AFG1L: variants seen among roughly 807,000 people sequenced by gnomAD.
AFG1L encodes the protein AFG1-like ATPase.
AFG1L carries 53 observed loss-of-function variants against 62.2 expected under a neutral mutation model. The ratio of observed to expected loss-of-function variants is 0.85; its 90% CI spans 0.68 to 1.07. The LOEUF (loss-of-function observed/expected upper bound fraction) is 1.07, where lower values mean the gene tolerates loss of function less well. Ranked by LOEUF, AFG1L falls within the 50% of genes least tolerant of loss-of-function variation. AFG1L has a pLI of 0.00. For missense variants in AFG1L, 555 were observed against 590.5 expected (o/e 0.94, Z 0.62); for synonymous variants, 228 against 210.3 (o/e 1.08, Z -0.73).
intron 10 of AFG1L, among the ~76,000 whole-genome samples, chr6:108,503,362 T>C (rs979591179): frequency 2.6e-5 from 4 of 152,254 alleles, no homozygotes; most frequent in Non-Finnish European, 5.9e-5. Context: ...ATCCATGGGC[T>C]GCAGAATGGA....
At chr6:108,418,254 G>C (rs948278146) in intron 7 of AFG1L, among the ~76,000 whole-genome samples, 4 of 152,176 alleles carry the variant, frequency 2.6e-5, no homozygotes, top group African/African-American at 9.7e-5. Flanking sequence ...AATCTGGCCT[G>C]CTGCCTGTTT....
At chr6:108,305,376 CTTAGAAAT>C (rs1442763694) in intron 1 of AFG1L, among the ~76,000 whole-genome samples, 1 of 152,136 alleles carries the variant, frequency 6.6e-6, no homozygotes, top group Non-Finnish European at 1.5e-5. Context: ...CCTAGAGGTT[CTTAGAAAT>C]TATGAATTAC....
intron 2 of AFG1L, among the ~76,000 whole-genome samples, chr6:108,329,684 T>G (rs1361547157): frequency 6.6e-6 from 1 of 151,966 alleles, no homozygotes; most frequent in South Asian, 2.1e-4. Flanking sequence ...TTTTAAAGAG[T>G]GTAAAGACGA....
At chr6:108,440,003 TATATA>T (rs554042104) in intron 7 of AFG1L, among the ~76,000 whole-genome samples, 366 of 152,276 alleles carry the variant, frequency 2.4e-3, no homozygotes, top group Non-Finnish European at 3.6e-3. Flanking sequence ...CATAGAACTA[TATATA>T]ATATGATAGA....
chr6:108,296,920 A>G (rs1776786809), intron 1 of AFG1L, among the ~76,000 whole-genome samples: 1 of 152,168 alleles, frequency 6.6e-6, no homozygotes, highest in African/African-American at 2.4e-5. Context: ...TGCTGAAGTT[A>G]TATGGCTAGT....
chr6:108,310,143 G>A (rs1472915664), intron 1 of AFG1L, among the ~76,000 whole-genome samples: 1 of 152,156 alleles, frequency 6.6e-6, no homozygotes, highest in Non-Finnish European at 1.5e-5. Context: ...TCTTTTATAA[G>A]GGTTGCAAAC....
intron 8 of AFG1L, among the ~76,000 whole-genome samples, chr6:108,452,034 T>C (rs564864266): frequency 5.3e-4 from 81 of 152,254 alleles, no homozygotes; most frequent in Non-Finnish European, 9.4e-4. Context: ...TCTTTTCTAG[T>C]TGCTTGGTGA....
At chr6:108,519,912 A>G in intron 12 of AFG1L, 102 bp downstream of exon 12, 1 of 623,212 alleles carries the variant, frequency 1.6e-6, no homozygotes, top group South Asian at 2.2e-5. Flanking sequence ...TGTATAGTTA[A>G]CCATTGATTG....
chr6:108,330,451 G>A (rs1778231827), intron 2 of AFG1L, among the ~76,000 whole-genome samples: 2 of 152,142 alleles, frequency 1.3e-5, no homozygotes, highest in Admixed American at 1.3e-4. Flanking sequence ...TGAGATTACA[G>A]GTGTGAGCCA....
At chr6:108,411,571 A>T (rs371998974) in intron 7 of AFG1L, among the ~76,000 whole-genome samples, 1 of 152,182 alleles carries the variant, frequency 6.6e-6, no homozygotes, top group Non-Finnish European at 1.5e-5. Flanking sequence ...CAGAGGAAGG[A>T]TCAGGCAGCA....
chr6:108,336,249 A>G (rs554393616), intron 2 of AFG1L, among the ~76,000 whole-genome samples: 1 of 152,342 alleles, frequency 6.6e-6, no homozygotes, highest in Admixed American at 6.5e-5. Flanking sequence ...TTCTGATTCT[A>G]TCATTTTGGG....
At chr6:108,405,521 A>AT (rs753580880) in intron 7 of AFG1L, among the ~76,000 whole-genome samples, 2 of 151,902 alleles carry the variant, frequency 1.3e-5, no homozygotes, top group African/African-American at 2.4e-5. Flanking sequence ...TAATTTTTGT[A>AT]TTTTTTGTAG....
chr6:108,403,085 T>C (rs1781701266), intron 7 of AFG1L, among the ~76,000 whole-genome samples: 1 of 152,180 alleles, frequency 6.6e-6, no homozygotes, highest in South Asian at 2.1e-4. Context: ...TGTGTTGCAT[T>C]AGGCATAATG....
chr6:108,319,130 A>C (rs547550080), intron 1 of AFG1L, among the ~76,000 whole-genome samples: 1 of 152,356 alleles, frequency 6.6e-6, no homozygotes, highest in South Asian at 2.1e-4. Context: ...TAGTGAAAAT[A>C]AAAGTAGAAG....
At chr6:108,342,596 C>G (rs1778720994) in intron 2 of AFG1L, among the ~76,000 whole-genome samples, 1 of 152,128 alleles carries the variant, frequency 6.6e-6, no homozygotes, top group African/African-American at 2.4e-5. Flanking sequence ...ATTAGTCTTA[C>G]TGTTCTCCAT....
chr6:108,431,043 T>C (rs1168951839), intron 7 of AFG1L, among the ~76,000 whole-genome samples: 4 of 152,228 alleles, frequency 2.6e-5, no homozygotes, highest in South Asian at 2.1e-4. Flanking sequence ...TTTCCTGATA[T>C]GCTAATAGAC....
intron 1 of AFG1L, among the ~76,000 whole-genome samples, chr6:108,300,607 GA>G (rs1397353841): frequency 1.3e-5 from 2 of 151,316 alleles, no homozygotes. Context: ...TACTAGTTAA[GA>G]AAATATTTGT....
At chr6:108,306,227 A>G (rs922309073) in intron 1 of AFG1L, among the ~76,000 whole-genome samples, 2 of 152,216 alleles carry the variant, frequency 1.3e-5, no homozygotes, top group African/African-American at 4.8e-5. Flanking sequence ...TCACAGAAGC[A>G]TAGAGTATTA....
chr6:108,308,396 C>T (rs976227361), intron 1 of AFG1L, among the ~76,000 whole-genome samples: 7 of 152,202 alleles, frequency 4.6e-5, no homozygotes, highest in Non-Finnish European at 8.8e-5. Context: ...AGCTATCCTC[C>T]CACCTTGGCC....
Sources: allele counts gnomAD v4.1 joint callset (sites outside exome capture counted in the v4.1 genomes callset), GRCh38; gene constraint gnomAD v4.1.1; transcripts MANE v1.5; gene names NCBI Gene and HGNC (gene_info 2026-07-23, HGNC 2026-07-21).